The following SP3 variants were observed in gnomAD, a reference collection of about 807,000 sequenced individuals.
The protein encoded by SP3 is Sp3 transcription factor.
SP3 carries 10 observed loss-of-function variants against 70.3 expected under a neutral mutation model. The observed-to-expected ratio is 0.14, with a 90% CI of 0.09 to 0.24. SP3 has a LOEUF of 0.24. Among genes scored for constraint, SP3 ranks in the 10% least tolerant of loss-of-function variants. SP3 has a pLI of 1.00. For missense variants in SP3, 825 were observed against 914.6 expected (o/e 0.90, Z 1.26); for synonymous variants, 402 against 333.5 (o/e 1.21, Z -2.24).
chr2:173,963,944 G>A, intron 2 of SP3, 61 bp from the exon 3 acceptor site: 1 of 1,246,642 alleles, frequency 8.0e-7, no homozygotes, highest in Non-Finnish European at 1.1e-6. Flanking sequence ...GTTAGGGTCG[G>A]GCCGCCTTTC....
chr2:173,918,544 AATG>A (rs1689668754), intron 5 of SP3, 46 bp downstream of exon 5: 2 of 1,513,320 alleles, frequency 1.3e-6, no homozygotes, highest in Non-Finnish European at 1.8e-6. Context: ...CAAAAATCAG[AATG>A]ATATTAGCAC....
chr2:173,915,324 A>G (rs887199585), intron 5 of SP3: 1 of 152,146 alleles, frequency 6.6e-6, no homozygotes, highest in Non-Finnish European at 1.5e-5. Context: ...AATTTCATTC[A>G]AAGTAAGATA....
At chr2:173,918,828 A>G (rs778367649) in intron 4 of SP3, 43 bp from the exon 5 acceptor site, 8 of 1,537,396 alleles carry the variant, frequency 5.2e-6, no homozygotes, top group Non-Finnish European at 7.1e-6. Flanking sequence ...AAGCAACCAA[A>G]TGGCCCAAAA....
chr2:173,949,834 C>T (rs1193055144), intron 4 of SP3, among the ~76,000 whole-genome samples: 1 of 152,144 alleles, frequency 6.6e-6, no homozygotes, highest in Non-Finnish European at 1.5e-5. Context: ...CTTCAAACAC[C>T]TGACTCCATT....
intron 4 of SP3, among the ~76,000 whole-genome samples, chr2:173,926,446 G>A (rs1452474336): frequency 6.6e-6 from 1 of 152,014 alleles, no homozygotes; most frequent in African/African-American, 2.4e-5. Context: ...ACAAAAATGA[G>A]GCAGGTGGTC....
chr2:173,953,381 GAAC>G (rs1200605904), intron 4 of SP3, among the ~76,000 whole-genome samples: 2 of 152,164 alleles, frequency 1.3e-5, no homozygotes, highest in East Asian at 3.9e-4. Context: ...CACATTTTAA[GAAC>G]TACTGTTCTA....
At position 173,909,775 on chromosome 2, in the gene SP3, T is replaced by G. The variant is rs1407283132; in HGVS notation, c.*166A>C. The G allele has an allele frequency of 7.2e-6, 4 of 556,200 alleles. No individual in the cohort carries two copies. The highest frequency in any genetic ancestry group is 1.3e-5 in the Non-Finnish European group (4 of 317,388). 34.5% of individuals were successfully genotyped at this position (556,200 alleles called of 1,614,324 possible). On this transcript the variant is annotated 3_prime_UTR_variant, in exon 7 of 7. Coordinates refer to ENST00000310015, the MANE Select transcript of SP3 (RefSeq NM_003111.5). ...TGCAATTTTACCATTTTTAATATACTATGGAATATCATACAAAGTAAGGCA... is the reference window on the plus strand; with the variant it reads ...TGCAATTTTACCATTTTTAATATACGATGGAATATCATACAAAGTAAGGCA...
intron 4 of SP3, among the ~76,000 whole-genome samples, chr2:173,945,905 C>A (rs553506256): frequency 1.5e-4 from 23 of 152,188 alleles, no homozygotes; most frequent in Non-Finnish European, 2.8e-4. Context: ...GTGGACGGAT[C>A]ATTTGAGGTC....
At position 173,955,393 on chromosome 2, in the gene SP3, G is replaced by A. The variant is rs1356033270; in HGVS notation, c.1119C>T (p.Ile373=). 2 of 1,613,902 alleles carry A rather than the reference G, an allele frequency of 1.2e-6. No individual in the cohort carries two copies. Among genetic ancestry groups the A allele is most frequent in the Non-Finnish European group, 1.7e-6 (2 of 1,180,000 alleles). Residue 373 remains isoleucine, a synonymous_variant, in exon 4 of 7, where the codon ATC becomes ATT. Coordinates refer to ENST00000310015, the MANE Select transcript of SP3 (RefSeq NM_003111.5). ...VHSSDLQGNY[I]QSPVSEETQA... ...GTGTCTCTTCAGAAACAGGCGACTG[G>A]ATATAATTTCCCTGAAGATCTGAAG...
chr2:173,945,377 T>TA, intron 4 of SP3, among the ~76,000 whole-genome samples: 1 of 152,272 alleles, frequency 6.6e-6, no homozygotes, highest in Non-Finnish European at 1.5e-5. Flanking sequence ...TCTAAATTGT[T>TA]ATACTAAAAA....
At chr2:173,932,810 G>A (rs1690102888) in intron 4 of SP3, among the ~76,000 whole-genome samples, 1 of 152,058 alleles carries the variant, frequency 6.6e-6, no homozygotes, top group African/African-American at 2.4e-5. Flanking sequence ...GGCTGACACG[G>A]TGAAACCCCG....
chr2:173,964,893 C>T (rs1691242690), intron 1 of SP3: 2 of 508,266 alleles, frequency 3.9e-6, no homozygotes. Context: ...CACACACGCC[C>T]GCCCGCGCCC....
rs759976088 is a variant in SP3 at position 173,906,903 on chromosome 2, T to C, written c.*3038A>G. 6 of 152,236 alleles carry C rather than the reference T, an allele frequency of 3.9e-5. No individual in the cohort carries two copies. The highest frequency in any genetic ancestry group is 2.9e-5 in the Non-Finnish European group (2 of 68,032). 9.4% of individuals were successfully genotyped at this position (152,236 alleles called of 1,614,324 possible). Reference sequence around the variant, plus strand: ...TAAAATGCTCCCCAGCAATTTCTAATGAACAATACTGTTTAAGAACTATTT... The same window carrying C: ...TAAAATGCTCCCCAGCAATTTCTAACGAACAATACTGTTTAAGAACTATTT... On this transcript the variant is annotated 3_prime_UTR_variant, in exon 7 of 7. Transcript: ENST00000310015.
At chr2:173,931,492 CG>C (rs1178922112) in intron 4 of SP3, among the ~76,000 whole-genome samples, 1 of 152,028 alleles carries the variant, frequency 6.6e-6, no homozygotes, top group African/African-American at 2.4e-5. Context: ...TACAGGTGTG[CG>C]CCATCATGCC....
Position 173,918,802 on chromosome 2 carries a change from A to G in SP3, c.1640-17T>C. ...TCCTAATATCTAAAGGGAAAAAAAA[A>G]CCAAATACAGATGAGAAGCAACCAA... On this transcript the variant is annotated splice_polypyrimidine_tract_variant and intron_variant, in intron 4 of 6. Transcript: ENST00000310015. 6.3e-7 allele frequency: 1 copy of G among 1,592,656 alleles called. No homozygotes were observed. Among genetic ancestry groups the G allele is most frequent in the African/African-American group, 1.4e-5 (1 of 73,896 alleles).
In SP3 at chr2:173,909,995, G is replaced by A; in HGVS notation, c.2292C>T (p.Asn764=). The A allele has an allele frequency of 6.2e-7, 1 of 1,613,942 alleles. No homozygotes were observed. The highest frequency in any genetic ancestry group is 1.1e-5 in the South Asian group (1 of 91,060). Residue 764 remains asparagine, a synonymous_variant, in exon 7 of 7, where the codon AAC becomes AAT. Coordinates refer to ENST00000310015, the MANE Select transcript of SP3 (RefSeq NM_003111.5). ...TGACAAGCTGTAAAGGTATTTCAGT[G>A]TTGGTAAGGATATCTTGATTGCTGG... ...SATSNQDILT[N]TEIPLQLVTV... is the part of the protein sequence containing the mutation.
intron 3 of SP3, chr2:173,963,248 A>T (rs1210817680): frequency 6.6e-6 from 1 of 152,232 alleles, no homozygotes; most frequent in Non-Finnish European, 1.5e-5. Flanking sequence ...CAACTAAAAA[A>T]GCAGTCTTCA....
At chr2:173,963,674 C>G (rs1574430753) in intron 3 of SP3, 87 bp downstream of exon 3, 3 of 383,796 alleles carry the variant, frequency 7.8e-6, no homozygotes, top group Non-Finnish European at 1.1e-5. Flanking sequence ...AGCGCGGGCG[C>G]CGGGGAGGCC....
chr2:173,929,383 C>G (rs1255866844), intron 4 of SP3, among the ~76,000 whole-genome samples: 1 of 152,172 alleles, frequency 6.6e-6, no homozygotes, highest in Admixed American at 6.5e-5. Flanking sequence ...GTCTCAGCAT[C>G]AAGATCAAAG....
Sources: gnomAD v4.1 joint callset for allele counts (sites outside exome capture counted in the v4.1 genomes callset) on GRCh38, gnomAD v4.1.1 for gene constraint, MANE v1.5 for transcripts, NCBI Gene and HGNC (gene_info 2026-07-23, HGNC 2026-07-21) for gene names.